Variants in TTC3 observed in about 807,000 individuals in gnomAD.
TTC3 encodes tetratricopeptide repeat domain 3, also known as E3 ubiquitin-protein ligase TTC3.
A neutral mutation model predicts 249.6 loss-of-function variants in TTC3; 180 were observed. That is an observed-to-expected ratio of 0.72 (90% CI 0.64 to 0.82). TTC3 has a LOEUF of 0.82. Among genes scored for constraint, TTC3 ranks in the 40% least tolerant of loss-of-function variants. TTC3 has a pLI of 0.00. For synonymous variants in TTC3, 717 were observed against 805.0 expected (o/e 0.89, Z 1.85); for missense variants, 2,061 against 2,398.4 (o/e 0.86, Z 2.94).
intron 16 of TTC3, among the ~76,000 whole-genome samples, chr21:37,132,349 T>A (rs76107536): frequency 3.1e-5 from 4 of 127,990 alleles, no homozygotes; most frequent in Admixed American, 1.6e-4. Context: ...TTTTTTTTTT[T>A]AGATGGAGTC....
At position 37,160,781 on chromosome 21, in the gene TTC3, AT is replaced by A. The variant is rs760274770; in HGVS notation, c.3040-16del. The A allele has an allele frequency of 2.5e-6, 4 of 1,612,262 alleles. No individual in the cohort carries two copies. The highest frequency in any genetic ancestry group is 1.7e-4 in the Middle Eastern group (1 of 6,048). ...AATGCTGTTATTTGAGTGTTCACTG[AT>A]TTTTCCCCCCATTTTTTAGTTTAGT... On this transcript the variant is annotated intron_variant, in intron 29 of 45. Coordinates refer to ENST00000355666, the Ensembl canonical transcript of TTC3.
chr21:37,137,638 T>G (rs2078076858), intron 18 of TTC3, among the ~76,000 whole-genome samples: 1 of 152,148 alleles, frequency 6.6e-6, no homozygotes, highest in Non-Finnish European at 1.5e-5. Flanking sequence ...GGAATATTGT[T>G]GAAATGAGAA....
intron 33 of TTC3, 95 bp downstream of exon 33, chr21:37,166,710 A>T (rs2081284148): frequency 6.9e-7 from 1 of 1,451,792 alleles, no homozygotes; most frequent in East Asian, 2.5e-5. Context: ...CTTAAAGTTG[A>T]TTGACTTTAT....
intron 35 of TTC3, among the ~76,000 whole-genome samples, chr21:37,179,698 G>A (rs139897096): frequency 2.0e-5 from 3 of 152,026 alleles, no homozygotes; most frequent in Non-Finnish European, 4.4e-5. Context: ...TTGAATGGGG[G>A]TCTCATTGTA....
exon 31 of TTC3, chr21:37,162,006 C>T: frequency 6.3e-7 from 1 of 1,590,626 alleles, no homozygotes; most frequent in Non-Finnish European, 8.6e-7. Context: ...TTAGTTGGGT[C>T]TGGAACAACT....
At chr21:37,136,735 C>T (rs999837006) in intron 18 of TTC3, among the ~76,000 whole-genome samples, 12 of 152,240 alleles carry the variant, frequency 7.9e-5, no homozygotes, top group Middle Eastern at 3.4e-3. Context: ...AAGGTGGCTA[C>T]GCTAAACAAC....
At chr21:37,201,642 TG>T (rs2148260765) in exon 46 of TTC3, 1 of 1,564,620 alleles carries the variant, frequency 6.4e-7, no homozygotes, top group Non-Finnish European at 8.6e-7. Context: ...CTACCACTGG[TG>T]TAAAAAACAA....
chr21:37,140,699 G>A, intron 20 of TTC3, 26 bp downstream of exon 20: 1 of 1,477,996 alleles, frequency 6.8e-7, no homozygotes, highest in South Asian at 1.2e-5. Flanking sequence ...ACTACTTTAA[G>A]CTCTAGGCTG....
chr21:37,089,034 G>C, intron 5 of TTC3, 148 bp downstream of exon 5: 1 of 641,806 alleles, frequency 1.6e-6, no homozygotes, highest in South Asian at 2.0e-5. Context: ...CTGTCCATCA[G>C]TGCGTGCTCA....
At chr21:37,139,273 G>C (rs2078222670) in intron 19 of TTC3, among the ~76,000 whole-genome samples, 1 of 152,034 alleles carries the variant, frequency 6.6e-6, no homozygotes, top group Admixed American at 6.6e-5. Context: ...CTTGGATATT[G>C]TATTATTTCT....
At chr21:37,165,819 G>T in exon 33 of TTC3, 1 of 1,614,156 alleles carries the variant, frequency 6.2e-7, no homozygotes, top group Middle Eastern at 1.6e-4. Context: ...GAGTATGTAC[G>T]AGTTAAACTA....
chr21:37,088,048 T>A, intron 3 of TTC3, 148 bp from the exon 4 acceptor site: 1 of 953,336 alleles, frequency 1.0e-6, no homozygotes, highest in Non-Finnish European at 1.5e-6. Context: ...TGCCAGCACT[T>A]AAATATTCTT....
chr21:37,156,550 T>C, intron 27 of TTC3, 105 bp from the exon 28 acceptor site: 1 of 1,422,504 alleles, frequency 7.0e-7, no homozygotes, highest in Non-Finnish European at 9.5e-7. Context: ...TTGCTGAGAA[T>C]ATAAGCAAAC....
At chr21:37,197,571 A>G (rs1399186668) in exon 43 of TTC3, 1 of 1,611,918 alleles carries the variant, frequency 6.2e-7, no homozygotes, top group Admixed American at 1.7e-5. Context: ...CCCTTTCAGC[A>G]CTGAGCTTGC....
At chr21:37,185,760 G>A (rs2083193957) in exon 37 of TTC3, 2 of 1,546,194 alleles carry the variant, frequency 1.3e-6, no homozygotes, top group East Asian at 2.4e-5. Context: ...ATCTGGATCA[G>A]TCCCTTGAAA....
At chr21:37,132,470 G>A (rs909069163) in intron 16 of TTC3, among the ~76,000 whole-genome samples, 3 of 151,432 alleles carry the variant, frequency 2.0e-5, no homozygotes, top group South Asian at 2.1e-4. Flanking sequence ...GCACCACCAC[G>A]CCAGGATAAT....
chr21:37,097,455 G>A (rs879644631), intron 10 of TTC3, among the ~76,000 whole-genome samples: 1 of 152,050 alleles, frequency 6.6e-6, no homozygotes, highest in African/African-American at 2.4e-5. Flanking sequence ...TTGGAATCTG[G>A]GATTCTCAGA....
chr21:37,175,874 A>AG (rs397866795), intron 35 of TTC3, among the ~76,000 whole-genome samples: 5 of 106 alleles, frequency 0.047, no homozygotes, highest in South Asian at 0.17. Flanking sequence ...GGGTTCCAGC[A>AG]TTCTCCTGCC....
Position 37,152,178 on chromosome 21 carries a change from C to T in TTC3, c.2413+149C>T, listed in dbSNP as rs1376325802. ...AATACTATCACTGTCTTCTGTTACT[C>T]GAAGACAGAATTGGGTTGGTGTAAA... On this transcript the variant is annotated intron_variant, in intron 26 of 45. Coordinates refer to ENST00000355666, the Ensembl canonical transcript of TTC3. 6.0e-6 allele frequency: 6 copies of T among 991,748 alleles called. No individual in the cohort carries two copies. The East Asian group carries it at 1.1e-4, about 19-fold the overall frequency. The allele number at this position is 991,748 out of a possible 1,614,324, so 61.4% of individuals were successfully genotyped here. A position where few individuals can be genotyped will look rare whatever the true frequency, so the allele number is the denominator to read the frequency against.
Sources: allele counts gnomAD v4.1 joint callset (sites outside exome capture counted in the v4.1 genomes callset), GRCh38; gene constraint gnomAD v4.1.1; transcripts MANE v1.5; gene names NCBI Gene and HGNC (gene_info 2026-07-23, HGNC 2026-07-21).